The following SLC12A4 variants were observed in gnomAD, a reference collection of about 807,000 sequenced individuals.
The protein encoded by SLC12A4 is electroneutral potassium-chloride cotransporter 1.
In SLC12A4, 84 loss-of-function variants were observed where a neutral mutation model predicts 119.2. The ratio of observed to expected loss-of-function variants is 0.70; its 90% confidence interval spans 0.59 to 0.85. The LOEUF is 0.85. SLC12A4 is among the 40% of genes least tolerant of loss of function. The pLI, the probability that SLC12A4 is intolerant of heterozygous loss-of-function variation, is 0.00. For missense variants in SLC12A4, 1,298 were observed against 1,476.3 expected (o/e 0.88, Z 1.98); for synonymous variants, 599 against 604.6 (o/e 0.99, Z 0.14).
rs779716218 is a variant in SLC12A4, at chr16:67,945,130, T to G, written c.3123A>C (p.Leu1041=). Residue 1041 remains leucine, a synonymous_variant, in exon 23 of 24, where the codon CTA becomes CTC. Coordinates refer to ENST00000316341, the MANE Select transcript of SLC12A4 (RefSeq NM_005072.5). ...TRSHDARLVL[L]NMPGPPRNSE... is the part of the protein sequence containing the mutation. Reference sequence around the variant, plus strand: ...TGTTCCTGGGTGGGCCAGGCATGTTTAGGAGAACCAGGCGGGCGTCGTGGG... The same window carrying G: ...TGTTCCTGGGTGGGCCAGGCATGTTGAGGAGAACCAGGCGGGCGTCGTGGG... The G allele has an allele frequency of 6.2e-7, 1 of 1,600,642 alleles. No individual in the cohort carries two copies. The highest frequency in any genetic ancestry group is 1.1e-5 in the South Asian group (1 of 89,290).
chr16:67,945,117 G>C lies in SLC12A4; in HGVS notation c.3136C>G (p.Pro1046Ala). ...ARLVLLNMPG[P>A]PRNSEGDENY... Reference sequence around the variant, plus strand: ...TCGTCGCCCTCACTGTTCCTGGGTGGGCCAGGCATGTTTAGGAGAACCAGG... The same window carrying C: ...TCGTCGCCCTCACTGTTCCTGGGTGCGCCAGGCATGTTTAGGAGAACCAGG... Residue 1046 changes from proline to alanine, a missense_variant, in exon 23 of 24, where the codon CCA (proline) becomes GCA (alanine). Transcript: ENST00000316341. 6.3e-7 allele frequency: 1 copy of C among 1,595,354 alleles called. No individual in the cohort carries two copies. The highest frequency in any genetic ancestry group is 8.6e-7 in the Non-Finnish European group (1 of 1,169,314).
Position 67,946,548 on chromosome 16 carries a change from TG to T in SLC12A4, c.2326del (p.His776ThrfsTer71). On this transcript the variant is annotated frameshift_variant, in exon 18 of 24. Transcript: ENST00000316341. LOFTEE classifies it high-confidence loss of function. ...VASKVREGLA[H>X]LIQSCGLGGM... ...TCCCAGGCCACAGGACTGGATGAGG[TG>T]GGCCAGCCCCTCCCGCACCTTGCTG... 2 of 1,611,902 alleles carry T rather than the reference TG, an allele frequency of 1.2e-6. No individual in the cohort carries two copies. The highest frequency in any genetic ancestry group is 1.1e-5 in the South Asian group (1 of 91,084).
At chr16:67,963,981 G>C in intron 1 of SLC12A4, 1 of 1,551,426 alleles carries the variant, frequency 6.4e-7, no homozygotes, top group African/African-American at 1.4e-5. Flanking sequence ...CGCCCAGGCA[G>C]TGCCCTCCAG....
At position 67,943,626 on chromosome 16, in the gene SLC12A4, A is replaced by G; in HGVS notation, c.*1214T>C. 1 of 500,710 alleles carries G rather than the reference A, an allele frequency of 2.0e-6. No homozygotes were observed. The highest frequency in any genetic ancestry group is 3.6e-5 in the East Asian group (1 of 27,966). The allele number at this position is 500,710 out of a possible 1,614,324, so 31.0% of individuals were successfully genotyped here. On this transcript the variant is annotated 3_prime_UTR_variant, in exon 24 of 24. Coordinates refer to ENST00000316341, the MANE Select transcript of SLC12A4 (RefSeq NM_005072.5). This position sits in a 1 kb window ranked among gnomAD's most constrained non-coding sequence, Gnocchi z 4.6. ...ATCTTGTCCTTGGTGGGTGGGGGCC[A>G]AGGAAGGAGTGGTGGGGCTTGGCCC...
chr16:67,964,126 C>T (rs1156576659), intron 1 of SLC12A4: 18 of 1,494,984 alleles, frequency 1.2e-5, no homozygotes, highest in Admixed American at 6.4e-5. Context: ...AAGCCCCAGG[C>T]CGTGGAGAGC....
In SLC12A4 at chr16:67,943,732, C is replaced by G. The variant is rs1015784357; in HGVS notation, c.*1108G>C. ...AGGCACACCCCGTCCCCCACTCCGC[C>G]CCCCCTGGGTTAGACAACTGAGAGT... is the stretch of plus-strand genomic sequence containing the variant. On this transcript the variant is annotated 3_prime_UTR_variant, in exon 24 of 24. Coordinates refer to ENST00000316341, the MANE Select transcript of SLC12A4 (RefSeq NM_005072.5). The surrounding 1 kb of genome is among the most constrained non-coding windows in gnomAD (Gnocchi z 4.6). The G allele has an allele frequency of 2.8e-5, 16 of 580,048 alleles. No homozygotes were observed. Among genetic ancestry groups the G allele is most frequent in the African/African-American group, 5.6e-5 (3 of 53,552 alleles). 35.9% of individuals were successfully genotyped at this position (580,048 alleles called of 1,614,324 possible). A position where few individuals can be genotyped will look rare whatever the true frequency, so the allele number is the denominator to read the frequency against.
chr16:67,966,889 G>A (rs1223927928), intron 1 of SLC12A4: 1 of 1,498,382 alleles, frequency 6.7e-7, no homozygotes, highest in East Asian at 2.6e-5. Flanking sequence ...AGCCAATGTA[G>A]CTCCAGGTCC....
chr16:67,944,147 C>T lies in SLC12A4; in HGVS notation c.*693G>A. The stretch of plus-strand genomic sequence containing the variant: ...CCAGAGAAAGCGGCACTGGGCTGTC[C>T]TTATCTGGTGTGGGAGTGGGAGGGG... On this transcript the variant is annotated 3_prime_UTR_variant, in exon 24 of 24. Transcript: ENST00000316341. This position sits in a 1 kb window ranked among gnomAD's most constrained non-coding sequence, Gnocchi z 6.6. 6.5e-7 allele frequency: 1 copy of T among 1,534,396 alleles called. No homozygotes were observed. Among genetic ancestry groups the T allele is most frequent in the Non-Finnish European group, 8.8e-7 (1 of 1,136,018 alleles).
In SLC12A4 at chr16:67,950,929, T is replaced by C; in HGVS notation, c.1396+33A>G. The C allele has an allele frequency of 6.2e-7, 1 of 1,605,416 alleles. No individual in the cohort carries two copies. Among genetic ancestry groups the C allele is most frequent in the Non-Finnish European group, 8.5e-7 (1 of 1,173,088 alleles). On this transcript the variant is annotated intron_variant, in intron 10 of 23. Transcript: ENST00000316341. The surrounding 1 kb of genome is among the most constrained non-coding windows in gnomAD (Gnocchi z 4.3). ...CACAGGCCAAGCGCTTCCCGTCCTCTGCCCCACCTGCCCCAGGCCTGGGAA... is the reference window on the plus strand; with the variant it reads ...CACAGGCCAAGCGCTTCCCGTCCTCCGCCCCACCTGCCCCAGGCCTGGGAA...
In SLC12A4 at chr16:67,952,257, C is replaced by G. The variant is rs545719685; in HGVS notation, c.844G>C (p.Ala282Pro). The G allele has an allele frequency of 6.2e-7, 1 of 1,614,096 alleles. No individual in the cohort carries two copies. Among genetic ancestry groups the G allele is most frequent in the Non-Finnish European group, 8.5e-7 (1 of 1,180,012 alleles). ...YVNKFASLFLACVIISILSIY... is the reference protein window; with the variant it reads ...YVNKFASLFLPCVIISILSIY... ...GAGAGGATGGAGATGATCACACAGG[C>G]CAGGAAGAGCGAGGCAAATTTGTTC... The change falls in exon 7 of 24, where the codon GCC (alanine) becomes CCC (proline). Residue 282 changes from alanine to proline, a missense_variant. Coordinates refer to ENST00000316341, the MANE Select transcript of SLC12A4 (RefSeq NM_005072.5).
intron 13 of SLC12A4, 96 bp from the exon 14 acceptor site, chr16:67,948,255 G>T: frequency 8.8e-7 from 1 of 1,141,586 alleles, no homozygotes; most frequent in Non-Finnish European, 1.3e-6. Flanking sequence ...GCGTGGCCCG[G>T]CCCTGCCCTG....
In SLC12A4 at chr16:67,943,730, G is replaced by A. The variant is rs2058308476; in HGVS notation, c.*1110C>T. The A allele has an allele frequency of 5.2e-6, 3 of 571,954 alleles. No individual in the cohort carries two copies. 35.4% of individuals were successfully genotyped at this position (571,954 alleles called of 1,614,324 possible). A position where few individuals can be genotyped will look rare whatever the true frequency, so the allele number is the denominator to read the frequency against. On this transcript the variant is annotated 3_prime_UTR_variant, in exon 24 of 24. Transcript: ENST00000316341. The surrounding 1 kb of genome is among the most constrained non-coding windows in gnomAD (Gnocchi z 4.6). ...TCAGGCACACCCCGTCCCCCACTCC[G>A]CCCCCCCTGGGTTAGACAACTGAGA...
At chr16:67,958,846 G>A (rs1377737245) in intron 3 of SLC12A4, among the ~76,000 whole-genome samples, 1 of 152,042 alleles carries the variant, frequency 6.6e-6, no homozygotes, top group Non-Finnish European at 1.5e-5. Context: ...TACCTCTCTC[G>A]GGAAGATGTC....
rs58687578 is a variant in SLC12A4 at position 67,956,331 on chromosome 16, C to T, written c.544+1411G>A. 8.1e-3 allele frequency among the ~76,000 whole-genome samples: 1,229 copies of T among 152,180 alleles called. 21 individuals are homozygous for T. Among genetic ancestry groups the T allele is most frequent in the African/African-American group, 0.029 (1,189 of 41,500 alleles). The stretch of plus-strand genomic sequence containing the variant: ...TACAATGGTGAAAAAGTGGAACCCA[C>T]AGGCAGGAGAATAATCACATTAATT... On this transcript the variant is annotated intron_variant, in intron 5 of 23. Transcript: ENST00000316341.
At chr16:67,954,238 GA>G in intron 6 of SLC12A4, 1 of 331,764 alleles carries the variant, frequency 3.0e-6, no homozygotes, top group Non-Finnish European at 6.1e-6. Context: ...AGGACAAGGA[GA>G]AGGTGGATCT....
In SLC12A4 at chr16:67,944,803, C is replaced by G. The variant is rs770914271; in HGVS notation, c.*37G>C. ...AGACCACAGCTTGTTATGTCCTGGC[C>G]AAGACCTCGACTCCAGGCCACAAGA... On this transcript the variant is annotated 3_prime_UTR_variant, in exon 24 of 24. Coordinates refer to ENST00000316341, the MANE Select transcript of SLC12A4 (RefSeq NM_005072.5). This position sits in a 1 kb window ranked among gnomAD's most constrained non-coding sequence, Gnocchi z 6.6. The G allele has an allele frequency of 4.4e-6, 7 of 1,608,576 alleles. No individual in the cohort carries two copies. Among genetic ancestry groups the G allele is most frequent in the Non-Finnish European group, 5.9e-6 (7 of 1,178,862 alleles).
Position 67,946,943 on chromosome 16 carries a change from G to A in SLC12A4, c.2235C>T (p.Ala745=), listed in dbSNP as rs768396059. 10 of 1,612,782 alleles carry A rather than the reference G, an allele frequency of 6.2e-6. No individual in the cohort carries two copies. The highest frequency in any genetic ancestry group is 3.3e-5 in the Admixed American group (2 of 60,010). Residue 745 remains alanine, a synonymous_variant, in exon 17 of 24, where the codon GCC becomes GCT. Transcript: ENST00000316341. ...CCCTCCCCAAAGCAAGTACCTGCTCGGCGGCCTGAGCCTCGCCATAGCTCT... is the reference window on the plus strand; with the variant it reads ...CCCTCCCCAAAGCAAGTACCTGCTCAGCGGCCTGAGCCTCGCCATAGCTCT... ...FLESYGEAQA[A]EQTIKNMMEI...
rs147598389 is a variant in SLC12A4, at chr16:67,947,729, T to C, written c.1907A>G (p.Tyr636Cys). Reference sequence around the variant, plus strand: ...GATGAGCATGGCCACCAGGGCATAGTACCAGGAGGAGACAAACATAAGGGC... The same window carrying C: ...GATGAGCATGGCCACCAGGGCATAGCACCAGGAGGAGACAAACATAAGGGC... ...CLALMFVSSWYYALVAMLIAG... is the reference protein window; with the variant it reads ...CLALMFVSSWCYALVAMLIAG... The change falls in exon 15 of 24, where the codon TAC becomes TGC. Residue 636 changes from tyrosine (Y) to cysteine (C), a missense_variant. Coordinates refer to ENST00000316341, the MANE Select transcript of SLC12A4 (RefSeq NM_005072.5). 93 of 1,600,598 alleles carry C rather than the reference T, an allele frequency of 5.8e-5. No homozygotes were observed. Among genetic ancestry groups the C allele is most frequent in the Non-Finnish European group, 7.8e-5 (91 of 1,173,948 alleles).
In SLC12A4 at chr16:67,945,203, C is replaced by T. The variant is rs374675891; in HGVS notation, c.3050G>A (p.Arg1017Gln). ...VHIKPDQSNV[R>Q]RMHTAVKLNE... The stretch of plus-strand genomic sequence containing the variant: ...GAGCTTCACAGCAGTGTGCATGCGC[C>T]GCACATTGGATTGGTCCCTACACGT... The change falls in exon 23 of 24, where the codon CGG becomes CAG. Residue 1017 changes from arginine to glutamine, a missense_variant. By Grantham distance (43) the Arg-to-Gln change is conservative. Transcript: ENST00000316341. 193 of 1,562,426 alleles carry T rather than the reference C, an allele frequency of 1.2e-4. No homozygotes were observed. Among genetic ancestry groups the T allele is most frequent in the Non-Finnish European group, 1.6e-4 (181 of 1,153,074 alleles).
Sources: gnomAD v4.1 joint callset for allele counts (sites outside exome capture counted in the v4.1 genomes callset) on GRCh38, gnomAD v4.1.1 for gene constraint, Gnocchi (gnomAD v3.1) non-coding constraint, MANE v1.5 for transcripts, NCBI Gene and HGNC (gene_info 2026-07-23, HGNC 2026-07-21) for gene names.